The following NUP214 variants were observed in gnomAD, a reference collection of about 807,000 sequenced individuals.
The protein encoded by NUP214 is nucleoporin 214.
Under a neutral mutation model 196.2 loss-of-function variants are expected in NUP214, and 79 were observed. The observed-to-expected ratio is 0.40, with a 90% CI of 0.34 to 0.49. The LOEUF (loss-of-function observed/expected upper bound fraction) is 0.49. NUP214 is among the 20% of genes least tolerant of loss of function. The probability of loss-of-function intolerance (pLI) is 0.58; values close to 1 mark genes in which losing one functional copy is unlikely to be tolerated. For missense variants in NUP214, 2,468 were observed against 2,539.0 expected (o/e 0.97, Z 0.60); for synonymous variants, 1,020 against 990.5 (o/e 1.03, Z -0.56).
intron 30 of NUP214, among the ~76,000 whole-genome samples, chr9:131,206,394 CCTCG>C (rs1834088966): frequency 6.6e-6 from 1 of 151,546 alleles, no homozygotes; most frequent in African/African-American, 2.4e-5. Context: ...AATCTGCCTG[CCTCG>C]GCCTCCCAAA....
rs1834932131 is a variant in NUP214, at chr9:131,233,440, G to A, written c.6240-14G>A. ...GAGCAGCTGACTCCACCACTGTCCT[G>A]TGCTTCCTTGCAGGTCTGTCCAGGG... On this transcript the variant is annotated splice_polypyrimidine_tract_variant and intron_variant, in intron 35 of 35. Transcript: ENST00000359428. The A allele has an allele frequency of 2.5e-6, 4 of 1,606,712 alleles. No individual in the cohort carries two copies. Among genetic ancestry groups the A allele is most frequent in the African/African-American group, 1.3e-5 (1 of 74,772 alleles).
At chr9:131,174,447 C>CTTTTTTTTTTTTTTTTTTTTTT (rs1299530269) in intron 22 of NUP214, 129 bp downstream of exon 22, 1 of 327,104 alleles carries the variant, frequency 3.1e-6, no homozygotes, top group Non-Finnish European at 5.0e-6. Flanking sequence ...TTTTTTTTTT[C>CTTTTTTTTTTTTTTTTTTTTTT]TTTTTTTCTT....
At chr9:131,170,792 A>G (rs1339711873) in intron 21 of NUP214, among the ~76,000 whole-genome samples, 1 of 105,444 alleles carries the variant, frequency 9.5e-6, no homozygotes, top group East Asian at 2.7e-4. Flanking sequence ...TCCTTTTGTT[A>G]TTATTATTAT....
intron 12 of NUP214, among the ~76,000 whole-genome samples, chr9:131,145,812 T>C (rs1832071953): frequency 6.6e-6 from 1 of 152,228 alleles, no homozygotes; most frequent in African/African-American, 2.4e-5. Context: ...TCCCACCTCC[T>C]GTTTAAAACT....
intron 22 of NUP214, 35 bp from the exon 23 acceptor site, chr9:131,175,425 C>A: frequency 6.2e-7 from 1 of 1,611,644 alleles, no homozygotes; most frequent in Non-Finnish European, 8.5e-7. Flanking sequence ...CCTGTTCTCT[C>A]ACCCACTCAC....
At position 131,215,344 on chromosome 9, in the gene NUP214, G is replaced by C. The variant is rs746401745; in HGVS notation, c.5725G>C (p.Gly1909Arg). ...AAACCCATTCAGCTCGGCCAGTGGGGGCTTTGGATCCACAGCTACCTCAAG... is the reference window on the plus strand; with the variant it reads ...AAACCCATTCAGCTCGGCCAGTGGGCGCTTTGGATCCACAGCTACCTCAAG... ...NKNPFSSASG[G>R]FGSTATSNTS... The change falls in exon 31 of 36, where the codon GGC becomes CGC. Residue 1909 changes from glycine to arginine, a missense_variant. Coordinates refer to ENST00000359428, the MANE Select transcript of NUP214 (RefSeq NM_005085.4). The C allele has an allele frequency of 6.3e-7, 1 of 1,599,736 alleles. No individual in the cohort carries two copies. The highest frequency in any genetic ancestry group is 8.5e-7 in the Non-Finnish European group (1 of 1,173,200).
chr9:131,161,976 T>A (rs1832651606), intron 18 of NUP214, among the ~76,000 whole-genome samples: 1 of 152,200 alleles, frequency 6.6e-6, no homozygotes, highest in Non-Finnish European at 1.5e-5. Context: ...CCAACACAAA[T>A]TCGTAAACTT....
chr9:131,175,255 A>G (rs971426966), intron 22 of NUP214, among the ~76,000 whole-genome samples: 11 of 152,150 alleles, frequency 7.2e-5, no homozygotes, highest in Non-Finnish European at 1.0e-4. Flanking sequence ...GGAAATGATG[A>G]TGTATCTTAG....
At position 131,232,619 on chromosome 9, in the gene NUP214, T is replaced by C. The variant is rs1480150443; in HGVS notation, c.6239+311T>C. On this transcript the variant is annotated intron_variant, in intron 35 of 35. Coordinates refer to ENST00000359428, the MANE Select transcript of NUP214 (RefSeq NM_005085.4). The surrounding 1 kb of genome is among the most constrained non-coding windows in gnomAD (Gnocchi z 5.1). ...GCTGCTCCTGACTTCCCTGGAGGTT[T>C]CTCAGAAGCTGCATGCTAACCCCTG... 1 of 483,300 alleles carries C rather than the reference T, an allele frequency of 2.1e-6. No individual in the cohort carries two copies. The highest frequency in any genetic ancestry group is 2.0e-5 in the African/African-American group (1 of 51,280). The allele number at this position is 483,300 out of a possible 1,614,324, so 29.9% of individuals were successfully genotyped here.
At position 131,135,638 on chromosome 9, in the gene NUP214, C is replaced by T. The variant is rs556452515; in HGVS notation, c.939-302C>T. The stretch of plus-strand genomic sequence containing the variant: ...ATTACTCAAAGCAAAGCTTCCATCC[C>T]TCTAGCTACATTATTCTGCCTTTGG... On this transcript the variant is annotated intron_variant, in intron 8 of 35. Coordinates refer to ENST00000359428, the MANE Select transcript of NUP214 (RefSeq NM_005085.4). 3.3e-5 allele frequency among the ~76,000 whole-genome samples: 5 copies of T among 152,326 alleles called. No individual in the cohort carries two copies. In the South Asian group the frequency reaches 1.0e-3, roughly 32 times the overall value.
chr9:131,130,618 A>T, intron 4 of NUP214, 148 bp from the exon 5 acceptor site: 1 of 666,836 alleles, frequency 1.5e-6, no homozygotes, highest in Non-Finnish European at 2.6e-6. Context: ...AAATGATTTT[A>T]CTTTTTTCCA....
intron 18 of NUP214, 93 bp from the exon 19 acceptor site, chr9:131,162,898 A>G (rs1832682101): frequency 8.5e-7 from 1 of 1,177,900 alleles, no homozygotes; most frequent in East Asian, 2.4e-5. Flanking sequence ...TATCATTTTC[A>G]CTGTTACCAT....
At chr9:131,130,629 C>A in intron 4 of NUP214, 137 bp from the exon 5 acceptor site, 2 of 751,794 alleles carry the variant, frequency 2.7e-6, no homozygotes, top group Non-Finnish European at 4.4e-6. Context: ...CTTTTTTCCA[C>A]TTTGCCTGAT....
intron 9 of NUP214, among the ~76,000 whole-genome samples, chr9:131,138,379 C>A (rs2017407): frequency 0.24 from 37,186 of 151,884 alleles, 4,644 homozygotes; most frequent in East Asian, 0.42. Context: ...CCAACACGCC[C>A]AGCTAATTTT....
chr9:131,166,152 A>G (rs1832781578), intron 21 of NUP214, among the ~76,000 whole-genome samples: 1 of 152,238 alleles, frequency 6.6e-6, no homozygotes. Flanking sequence ...TGGAAAAAAG[A>G]TTTAAACTTA....
In NUP214 at chr9:131,146,658, G is replaced by A. The variant is rs920883225; in HGVS notation, c.1945+354G>A. Reference sequence around the variant, plus strand: ...GCACAAGAGTTGTTTGGCGGGGTGCGGTGGCTCACGCCTATAAACCCAGCA... The same window carrying A: ...GCACAAGAGTTGTTTGGCGGGGTGCAGTGGCTCACGCCTATAAACCCAGCA... On this transcript the variant is annotated intron_variant, in intron 13 of 35. Transcript: ENST00000359428. This position sits in a 1 kb window ranked among gnomAD's most constrained non-coding sequence, Gnocchi z 4.6. 5.6e-4 allele frequency among the ~76,000 whole-genome samples: 85 copies of A among 152,268 alleles called. No homozygotes were observed. The highest frequency in any genetic ancestry group is 1.9e-3 in the African/African-American group (78 of 41,554).
intron 17 of NUP214, 65 bp downstream of exon 17, chr9:131,151,959 C>T: frequency 7.7e-7 from 1 of 1,293,406 alleles, no homozygotes; most frequent in Non-Finnish European, 1.1e-6. Flanking sequence ...ATTGCTACCT[C>T]TTTTTGCATA....
chr9:131,210,822 T>C (rs1834220798), intron 30 of NUP214, among the ~76,000 whole-genome samples: 1 of 152,224 alleles, frequency 6.6e-6, no homozygotes, highest in South Asian at 2.1e-4. Context: ...TTCTACGATC[T>C]ATGCAACAAT....
At chr9:131,150,238 G>A in intron 14 of NUP214, 86 bp from the exon 15 acceptor site, 1 of 1,070,142 alleles carries the variant, frequency 9.3e-7, no homozygotes, top group Non-Finnish European at 1.4e-6. Flanking sequence ...TGTGTTACAG[G>A]AGCGCCACTC....
Sources: gnomAD v4.1 joint callset for allele counts (sites outside exome capture counted in the v4.1 genomes callset) on GRCh38, gnomAD v4.1.1 for gene constraint, Gnocchi (gnomAD v3.1) non-coding constraint, MANE v1.5 for transcripts, NCBI Gene and HGNC (gene_info 2026-07-23, HGNC 2026-07-21) for gene names.